UNC79: variants seen among roughly 807,000 people sequenced by gnomAD.
UNC79 encodes unc-79 subunit of NALCN channel complex.
In UNC79, 37 loss-of-function variants were observed where a neutral mutation model predicts 283.1. That is an observed-to-expected ratio of 0.13 (90% CI 0.10 to 0.17). UNC79 has a LOEUF of 0.17. Among genes scored for constraint, UNC79 ranks in the 10% least tolerant of loss-of-function variants. The pLI, the probability that UNC79 is intolerant of heterozygous loss-of-function variation, is 1.00. For missense variants in UNC79, 2,272 were observed against 3,211.1 expected, an observed-to-expected ratio of 0.71 and a Z score of 7.07; for synonymous variants, 1,107 against 1,200.2, an observed-to-expected ratio of 0.92 and a Z score of 1.61.
intron 29 of UNC79, among the ~76,000 whole-genome samples, chr14:93,618,698 C>T (rs1464340694): frequency 6.6e-6 from 1 of 152,160 alleles, no homozygotes; most frequent in Non-Finnish European, 1.5e-5. Context: ...CACAGTGGAG[C>T]CATTCTTTGT....
At chr14:93,614,043 TAAAA>T (rs201790798) in intron 27 of UNC79, among the ~76,000 whole-genome samples, 3 of 125,832 alleles carry the variant, frequency 2.4e-5, no homozygotes, top group African/African-American at 2.9e-5. Flanking sequence ...TCATGCACAG[TAAAA>T]AAAAAAAAAA....
At chr14:93,454,778 A>G (rs2056750312) in intron 1 of UNC79, among the ~76,000 whole-genome samples, 1 of 152,230 alleles carries the variant, frequency 6.6e-6, no homozygotes. Context: ...GAATAAGAAC[A>G]CTGATATCTT....
At chr14:93,580,494 A>G (rs1286064543) in intron 19 of UNC79, 118 bp downstream of exon 19, 9 of 1,056,416 alleles carry the variant, frequency 8.5e-6, no homozygotes, top group South Asian at 3.5e-5. Flanking sequence ...TATACGTGAG[A>G]CTGTGTTAAA....
At chr14:93,695,108 CT>C (rs1342136391) in intron 47 of UNC79, among the ~76,000 whole-genome samples, 1 of 152,180 alleles carries the variant, frequency 6.6e-6, no homozygotes, top group Non-Finnish European at 1.5e-5. Context: ...TGCCTCCCCT[CT>C]TTTTCCTTTC....
intron 1 of UNC79, among the ~76,000 whole-genome samples, chr14:93,375,416 G>A (rs1022886007): frequency 2.6e-5 from 4 of 152,116 alleles, no homozygotes; most frequent in African/African-American, 9.7e-5. Flanking sequence ...GAGTCATTGG[G>A]CTTCTGCCTT....
chr14:93,493,874 CATATATAT>C lies in UNC79; in HGVS notation c.713-2516_713-2509del, dbSNP rs140201851. On this transcript the variant is annotated intron_variant, in intron 5 of 48. Transcript: ENST00000555664. Reference sequence around the variant, plus strand: ...GGAAGAGAGAGAAGGGGAAGTGCCACATATATATATATATATATATATATATATTTTTT... The same window carrying C: ...GGAAGAGAGAGAAGGGGAAGTGCCACATATATATATATATATATATTTTTT... Among the ~76,000 whole-genome samples the C allele has an allele frequency of 2.4e-3, 182 of 76,642 alleles. 3 individuals carry two copies. Among genetic ancestry groups the C allele is most frequent in the African/African-American group, 2.6e-3 (46 of 17,938 alleles). The allele number at this position is 76,642 out of a possible 152,430, so 50.3% of individuals were successfully genotyped here. A position where few individuals can be genotyped will look rare whatever the true frequency, so the allele number is the denominator to read the frequency against.
intron 1 of UNC79, among the ~76,000 whole-genome samples, chr14:93,359,968 C>T (rs1056563184): frequency 6.6e-6 from 1 of 152,102 alleles, no homozygotes; most frequent in Admixed American, 6.6e-5. Flanking sequence ...TACTGGATAC[C>T]GGATCTGAGC....
intron 1 of UNC79, among the ~76,000 whole-genome samples, chr14:93,434,896 G>A (rs1343608005): frequency 3.3e-5 from 5 of 152,084 alleles, no homozygotes; most frequent in Non-Finnish European, 5.9e-5. Flanking sequence ...GGAGATAATT[G>A]TGAAGTTTGG....
At chr14:93,359,022 T>A (rs931661149) in intron 1 of UNC79, among the ~76,000 whole-genome samples, 2 of 152,186 alleles carry the variant, frequency 1.3e-5, no homozygotes, top group African/African-American at 4.8e-5. Flanking sequence ...GGCATGGGAA[T>A]GGATATTAAG....
chr14:93,401,903 G>A (rs1025930087), intron 1 of UNC79, among the ~76,000 whole-genome samples: 8 of 152,130 alleles, frequency 5.3e-5, no homozygotes, highest in Non-Finnish European at 1.2e-4. Flanking sequence ...GAATAGAAGA[G>A]AGAGAAAATG....
chr14:93,388,473 A>G (rs1236759391), intron 1 of UNC79, among the ~76,000 whole-genome samples: 2 of 152,178 alleles, frequency 1.3e-5, no homozygotes, highest in African/African-American at 2.4e-5. Flanking sequence ...TAAATTTCTC[A>G]AAAATGTATT....
Position 93,542,951 on chromosome 14 carries a change from T to G in UNC79, c.1755+255T>G, listed in dbSNP as rs901893706. Among the ~76,000 whole-genome samples the G allele has an allele frequency of 1.2e-3, 131 of 109,720 alleles. 1 individual carries two copies. The highest frequency in any genetic ancestry group is 4.4e-3 in the African/African-American group (129 of 29,602). The allele number at this position is 109,720 out of a possible 152,430, so 72.0% of individuals were successfully genotyped here. On this transcript the variant is annotated intron_variant, in intron 14 of 48. Coordinates refer to ENST00000555664, the Ensembl canonical transcript of UNC79. The stretch of plus-strand genomic sequence containing the variant: ...TTAAGGGACCATTCTTTCTCGACAT[T>G]GCTGATTTTTTTTTTTTTTGAAATG...
intron 7 of UNC79, among the ~76,000 whole-genome samples, chr14:93,517,021 A>T (rs1016038319): frequency 3.9e-5 from 6 of 152,106 alleles, no homozygotes; most frequent in Admixed American, 3.9e-4. Context: ...GGTACTCTAC[A>T]AATACCCTGC....
chr14:93,341,520 T>G (rs1000572717), intron 1 of UNC79, among the ~76,000 whole-genome samples: 2 of 151,692 alleles, frequency 1.3e-5, no homozygotes, highest in Admixed American at 6.6e-5. Flanking sequence ...ATCCTAGCAC[T>G]TTCGGAGGCT....
At position 93,679,288 on chromosome 14, in the gene UNC79, G is replaced by A. The variant is rs546924504; in HGVS notation, c.6742-3329G>A. Among the ~76,000 whole-genome samples, 4 of 152,120 alleles carry A rather than the reference G, an allele frequency of 2.6e-5. No individual in the cohort carries two copies. The South Asian group carries it at 6.2e-4, about 24-fold the overall frequency. On this transcript the variant is annotated intron_variant, in intron 41 of 48. Coordinates refer to ENST00000555664, the Ensembl canonical transcript of UNC79. ...ATCCTGGCTAACATGGTGAAACCCCGTCTCTACTAAAAATACAAAAATTAG... is the reference window on the plus strand; with the variant it reads ...ATCCTGGCTAACATGGTGAAACCCCATCTCTACTAAAAATACAAAAATTAG...
At chr14:93,514,672 A>G (rs2059974668) in intron 7 of UNC79, among the ~76,000 whole-genome samples, 1 of 151,966 alleles carries the variant, frequency 6.6e-6, no homozygotes, top group Non-Finnish European at 1.5e-5. Context: ...CTTTATTTTG[A>G]TTTCTCTACC....
intron 1 of UNC79, among the ~76,000 whole-genome samples, chr14:93,457,261 G>A (rs1483848036): frequency 6.6e-6 from 1 of 152,230 alleles, no homozygotes. Flanking sequence ...TTTCTGATCT[G>A]AAGGTTCTAG....
At chr14:93,484,996 G>A (rs2402304) in intron 4 of UNC79, among the ~76,000 whole-genome samples, 130,195 of 152,026 alleles carry the variant, frequency 0.86, 55,910 homozygotes, top group East Asian at 0.93. Context: ...AATAGGCTTC[G>A]CCTAAATCAT....
At chr14:93,581,141 G>A (rs1247845499) in intron 19 of UNC79, among the ~76,000 whole-genome samples, 2 of 152,054 alleles carry the variant, frequency 1.3e-5, no homozygotes, top group African/African-American at 4.8e-5. Context: ...TGGACAACCA[G>A]TATTTGTGTC....
Sources: gnomAD v4.1 joint callset for allele counts (sites outside exome capture counted in the v4.1 genomes callset) on GRCh38, gnomAD v4.1.1 for gene constraint, MANE v1.5 for transcripts, NCBI Gene and HGNC (gene_info 2026-07-23, HGNC 2026-07-21) for gene names.